IL31RA: variants seen among roughly 807,000 people sequenced by gnomAD.
IL31RA encodes interleukin 31 receptor A, also known as interleukin-31 receptor subunit alpha.
IL31RA carries 66 observed loss-of-function variants against 83.7 expected under a neutral mutation model. The ratio of observed to expected loss-of-function variants is 0.79; its 90% CI spans 0.65 to 0.97. The LOEUF (loss-of-function observed/expected upper bound fraction) is 0.97. Ranked by LOEUF, IL31RA falls within the 50% of genes least tolerant of loss-of-function variation. IL31RA has a pLI of 0.00. For missense variants in IL31RA, 798 were observed against 919.4 expected, an observed-to-expected ratio of 0.87 and a Z score of 1.71; for synonymous variants, 325 against 329.0, an observed-to-expected ratio of 0.99 and a Z score of 0.13.
intron 2 of IL31RA, among the ~76,000 whole-genome samples, chr5:55,864,687 A>G (rs1286061002): frequency 6.6e-6 from 1 of 151,168 alleles, no homozygotes; most frequent in African/African-American, 2.4e-5. Flanking sequence ...CATTATAAAC[A>G]CATCACACAT....
rs540245447 is a variant in IL31RA at position 55,890,064 on chromosome 5, G to A, written c.701G>A (p.Arg234Gln). Residue 234 changes from arginine (R) to glutamine (Q), a missense_variant, in exon 6 of 15, where the codon CGA (arginine) becomes CAA (glutamine). Physicochemically the swap from Arg to Gln is conservative, Grantham distance 43. Coordinates refer to ENST00000652347, the MANE Select transcript of IL31RA (RefSeq NM_139017.7). Reference sequence around the variant, plus strand: ...TTTACAGAATATGTCATAGCTCTGCGATGTGCGGTCAAGGAGTCAAAGTTC... The same window carrying A: ...TTTACAGAATATGTCATAGCTCTGCAATGTGCGGTCAAGGAGTCAAAGTTC... ...QPFTEYVIAL[R>Q]CAVKESKFWS... 5 of 1,614,004 alleles carry A rather than the reference G, an allele frequency of 3.1e-6. No homozygotes were observed. The highest frequency in any genetic ancestry group is 2.2e-5 in the East Asian group (1 of 44,868).
At chr5:55,840,287 C>A in the IL31RA span, among the ~76,000 whole-genome samples, 1 of 152,118 alleles carries the variant, frequency 6.6e-6, no homozygotes, top group African/African-American at 2.4e-5. Context: ...GCAAAGGCAA[C>A]AAATTGGAAC....
chr5:55,912,438 T>C (rs1749549988), intron 12 of IL31RA, among the ~76,000 whole-genome samples: 2 of 152,218 alleles, frequency 1.3e-5, no homozygotes, highest in Non-Finnish European at 2.9e-5. Context: ...TCCATGGTTT[T>C]GCATGGCTGG....
rs1748940172 is a variant in IL31RA at position 55,903,342 on chromosome 5, G to T, written c.1070-2764G>T. Among the ~76,000 whole-genome samples, 1 of 152,198 alleles carries T rather than the reference G, an allele frequency of 6.6e-6. No individual in the cohort carries two copies. The highest frequency in any genetic ancestry group is 2.4e-5 in the African/African-American group (1 of 41,456). ...TCATGCAGATCACAAGAAATCAATGGCTTTCACAGTCAAAGCCCCTCCCTG... is the reference window on the plus strand; with the variant it reads ...TCATGCAGATCACAAGAAATCAATGTCTTTCACAGTCAAAGCCCCTCCCTG... On this transcript the variant is annotated intron_variant, in intron 8 of 14. Coordinates refer to ENST00000652347, the MANE Select transcript of IL31RA (RefSeq NM_139017.7). This position sits in a 1 kb window ranked among gnomAD's most constrained non-coding sequence, Gnocchi z 4.7.
chr5:55,881,767 G>T (rs1050706282), intron 4 of IL31RA, among the ~76,000 whole-genome samples: 2 of 114,014 alleles, frequency 1.8e-5, no homozygotes, highest in Non-Finnish European at 3.3e-5. Flanking sequence ...TCACTGTGTC[G>T]CCCAGGCTGG....
At position 55,920,028 on chromosome 5, in the gene IL31RA, T is replaced by C. The variant is rs896172781; in HGVS notation, c.*2908T>C. On this transcript the variant is annotated 3_prime_UTR_variant, in exon 15 of 15. Transcript: ENST00000652347. ...AGACAGCTAGGTTAGTGGCCTTTCT[T>C]TAACAGTAAGAGCAGAAAATTTTTA... Among the ~76,000 whole-genome samples, 8 of 152,320 alleles carry C rather than the reference T, an allele frequency of 5.3e-5. No homozygotes were observed. Among genetic ancestry groups the C allele is most frequent in the African/African-American group, 1.7e-4 (7 of 41,570 alleles).
intron 5 of IL31RA, 149 bp downstream of exon 5, chr5:55,883,344 AT>A: frequency 2.5e-6 from 2 of 813,104 alleles, no homozygotes; most frequent in Non-Finnish European, 3.9e-6. Flanking sequence ...CCAGTTTTCC[AT>A]TTTTCCATCT....
intron 7 of IL31RA, among the ~76,000 whole-genome samples, chr5:55,897,015 A>ATATATATATATATATATATATATATATTT (rs1413221761): frequency 1.2e-3 from 1 of 844 alleles, no homozygotes; most frequent in Non-Finnish European, 2.1e-3. Flanking sequence ...ATATATATAT[A>ATATATATATATATATATATATATATATTT]TTTTTTTTTT....
chr5:55,873,254 G>C (rs759555603), intron 4 of IL31RA, among the ~76,000 whole-genome samples: 1 of 151,998 alleles, frequency 6.6e-6, no homozygotes, highest in Non-Finnish European at 1.5e-5. Flanking sequence ...TCTTTTTATA[G>C]CTAAATAATA....
At chr5:55,914,014 T>A (rs376358982) in intron 13 of IL31RA, among the ~76,000 whole-genome samples, 1 of 152,210 alleles carries the variant, frequency 6.6e-6, no homozygotes, top group Admixed American at 6.5e-5. Flanking sequence ...GGGTGCAAGC[T>A]TATTGCTTGC....
At chr5:55,893,410 GT>G (rs1295796448) in intron 6 of IL31RA, among the ~76,000 whole-genome samples, 1 of 152,226 alleles carries the variant, frequency 6.6e-6, no homozygotes, top group African/African-American at 2.4e-5. Context: ...ACTGCTGCTG[GT>G]TGTGGGGATG....
At position 55,918,599 on chromosome 5, in the gene IL31RA, A is replaced by G. The variant is rs1202088530; in HGVS notation, c.*1479A>G. 2.0e-5 allele frequency among the ~76,000 whole-genome samples: 3 copies of G among 152,140 alleles called. No homozygotes were observed. The highest frequency in any genetic ancestry group is 7.2e-5 in the African/African-American group (3 of 41,408). On this transcript the variant is annotated 3_prime_UTR_variant, in exon 15 of 15. Coordinates refer to ENST00000652347, the MANE Select transcript of IL31RA (RefSeq NM_139017.7). ...GTGCATGGGGCAGAGTTGGTCACTC[A>G]GTGGCATCCTCTGGGTCATGTATTT...
Position 55,908,421 on chromosome 5 carries a change from C to T in IL31RA, c.1501+10C>T. 6.2e-7 allele frequency: 1 copy of T among 1,614,148 alleles called. No individual in the cohort carries two copies. The highest frequency in any genetic ancestry group is 8.5e-7 in the Non-Finnish European group (1 of 1,180,020). ...GGTGGAAAAGGATTCTGTAAGCACG[C>T]CCATAGCGAAGTGGAAAAAAACCCC... On this transcript the variant is annotated intron_variant, in intron 11 of 14. Coordinates refer to ENST00000652347, the MANE Select transcript of IL31RA (RefSeq NM_139017.7).
chr5:55,916,798 C>T lies in IL31RA; in HGVS notation c.1973C>T (p.Thr658Met), dbSNP rs112989426. ...LQEIFTDEAR[T>M]GQENNLGGEK... ...GAAATTTTCACAGATGAAGCCAGAA[C>T]GGGTCAGGAAAACAATTTAGGAGGG... The change falls in exon 15 of 15, where the codon ACG (threonine) becomes ATG (methionine). Residue 658 changes from threonine to methionine, a missense_variant. Physicochemically the swap from Thr to Met is moderately conservative, Grantham distance 81. Coordinates refer to ENST00000652347, the MANE Select transcript of IL31RA (RefSeq NM_139017.7). The T allele has an allele frequency of 4.2e-4, 685 of 1,614,128 alleles. 2 individuals are homozygous for T. The African/African-American group carries it at 7.5e-3, about 18-fold the overall frequency.
chr5:55,865,004 G>T (rs1299969103), intron 2 of IL31RA, among the ~76,000 whole-genome samples: 2 of 152,152 alleles, frequency 1.3e-5, no homozygotes, highest in Non-Finnish European at 2.9e-5. Flanking sequence ...TTCCTCCTGG[G>T]TGTTGCAAGC....
At chr5:55,882,100 C>T (rs1163578651) in intron 4 of IL31RA, among the ~76,000 whole-genome samples, 1 of 118,548 alleles carries the variant, frequency 8.4e-6, no homozygotes, top group Non-Finnish European at 2.0e-5. Flanking sequence ...GTGCTGGCTA[C>T]AGCCAATTAT....
upstream of IL31RA, among the ~76,000 whole-genome samples, chr5:55,849,315 TACTA>T (rs1256363401): frequency 2.0e-5 from 3 of 152,050 alleles, no homozygotes; most frequent in Admixed American, 6.6e-5. Flanking sequence ...ATTGACTTCT[TACTA>T]ACTATGGAAG....
At chr5:55,896,599 T>C (rs1580717003) in intron 7 of IL31RA, among the ~76,000 whole-genome samples, 170 bp downstream of exon 7, 1 of 34,614 alleles carries the variant, frequency 2.9e-5, no homozygotes, top group Non-Finnish European at 5.3e-5. Flanking sequence ...CCCCCTCCCC[T>C]CCCTTCCCCC....
rs1471907047 is a variant in IL31RA at position 55,898,641 on chromosome 5, A to T, written c.853-1275A>T. On this transcript the variant is annotated intron_variant, in intron 7 of 14. Transcript: ENST00000652347. Reference sequence around the variant, plus strand: ...TTAAATAACATATTAATGTTATTTTAAAAAGATTTTAAATAACATATTAAT... The same window carrying T: ...TTAAATAACATATTAATGTTATTTTTAAAAGATTTTAAATAACATATTAAT... 1.2e-4 allele frequency among the ~76,000 whole-genome samples: 17 copies of T among 141,594 alleles called. 4 individuals are homozygous for T. The highest frequency in any genetic ancestry group is 4.4e-4 in the African/African-American group (17 of 38,378). 92.9% of individuals were successfully genotyped at this position (141,594 alleles called of 152,430 possible).
Sources: allele counts gnomAD v4.1 joint callset (sites outside exome capture counted in the v4.1 genomes callset), GRCh38; gene constraint gnomAD v4.1.1; non-coding constraint Gnocchi (gnomAD v3.1); transcripts MANE v1.5; gene names NCBI Gene and HGNC (gene_info 2026-07-23, HGNC 2026-07-21).